ZNF385D: variants seen among roughly 807,000 people sequenced by gnomAD.
ZNF385D encodes the protein zinc finger protein 659.
In ZNF385D, 15 loss-of-function variants were observed where a neutral mutation model predicts 35.8. The ratio of observed to expected loss-of-function variants is 0.42; its 90% CI spans 0.28 to 0.64. ZNF385D has a LOEUF of 0.64. ZNF385D is among the 30% of genes least tolerant of loss of function. The pLI is 0.23. For synonymous variants in ZNF385D, 212 were observed against 186.8 expected (o/e 1.13, Z -1.10); for missense variants, 474 against 494.6 (o/e 0.96, Z 0.39).
intron 2 of ZNF385D, among the ~76,000 whole-genome samples, chr3:22,360,126 T>C (rs888777441): frequency 2.6e-5 from 4 of 151,958 alleles, no homozygotes; most frequent in African/African-American, 9.7e-5. Flanking sequence ...TTGGAAAGTA[T>C]TCACAGTTTA....
intron 2 of ZNF385D, among the ~76,000 whole-genome samples, chr3:22,319,664 C>G (rs1193737859): frequency 6.6e-6 from 1 of 152,090 alleles, no homozygotes; most frequent in African/African-American, 2.4e-5. Context: ...ACAATCTCCT[C>G]CTGTGAAAAG....
intron 4 of ZNF385D, among the ~76,000 whole-genome samples, chr3:21,451,312 T>C (rs1702446735): frequency 6.6e-6 from 1 of 152,144 alleles, no homozygotes; most frequent in Non-Finnish European, 1.5e-5. Flanking sequence ...TTATAAATTC[T>C]GATGTAAATA....
intron 3 of ZNF385D, among the ~76,000 whole-genome samples, chr3:22,043,373 C>A (rs563782077): frequency 1.3e-5 from 2 of 152,008 alleles, no homozygotes; most frequent in Non-Finnish European, 2.9e-5. Flanking sequence ...TATTTTTTAA[C>A]GTACTGAAAC....
chr3:22,008,360 C>CATTT (rs773952386), intron 3 of ZNF385D, among the ~76,000 whole-genome samples: 5 of 131,936 alleles, frequency 3.8e-5, no homozygotes, highest in Admixed American at 1.5e-4. Flanking sequence ...CCATGATTTT[C>CATTT]TTTTTTTTTT....
At chr3:22,029,893 A>C (rs1697824072) in intron 3 of ZNF385D, among the ~76,000 whole-genome samples, 1 of 151,986 alleles carries the variant, frequency 6.6e-6, no homozygotes, top group African/African-American at 2.4e-5. Context: ...CTGAGTATCA[A>C]CTTGATTGGA....
intron 3 of ZNF385D, among the ~76,000 whole-genome samples, chr3:21,978,544 T>C (rs1559812087): frequency 1.3e-5 from 2 of 152,242 alleles, no homozygotes; most frequent in African/African-American, 2.4e-5. Flanking sequence ...GCTTAGAAGT[T>C]TGTCTGTGAT....
intron 4 of ZNF385D, among the ~76,000 whole-genome samples, chr3:21,482,215 T>C (rs933278803): frequency 2.6e-5 from 4 of 152,138 alleles, no homozygotes; most frequent in African/African-American, 9.6e-5. Context: ...GGTTGACTCC[T>C]ACTAAGGGTG....
intron 3 of ZNF385D, among the ~76,000 whole-genome samples, chr3:21,516,903 T>C (rs1185856964): frequency 6.6e-6 from 1 of 151,980 alleles, no homozygotes; most frequent in Admixed American, 6.6e-5. Context: ...ATTAGAGATG[T>C]CACCATCCTC....
intron 3 of ZNF385D, chr3:21,979,735 T>C (rs11129036): frequency 0.25 from 38,392 of 152,068 alleles, 5,280 homozygotes; most frequent in East Asian, 0.33. Flanking sequence ...TGCAGAAAGA[T>C]TGGAAGATGA....
intron 3 of ZNF385D, among the ~76,000 whole-genome samples, chr3:22,070,586 A>G (rs1314242147): frequency 6.6e-6 from 1 of 152,140 alleles, no homozygotes; most frequent in Admixed American, 6.6e-5. Context: ...GGATGAAACT[A>G]TTTTCAAATG....
chr3:22,259,812 A>G (rs953070753), intron 2 of ZNF385D, among the ~76,000 whole-genome samples: 3 of 150,562 alleles, frequency 2.0e-5, no homozygotes, highest in African/African-American at 7.3e-5. Context: ...GTCCACCATC[A>G]CTCCAAATGC....
intron 1 of ZNF385D, among the ~76,000 whole-genome samples, chr3:21,703,478 T>A (rs1056068781): frequency 6.6e-6 from 1 of 152,142 alleles, no homozygotes; most frequent in African/African-American, 2.4e-5. Context: ...GCCCAGGATA[T>A]TGTGCAATCC....
intron 2 of ZNF385D, among the ~76,000 whole-genome samples, chr3:21,611,147 C>T (rs930993911): frequency 6.6e-6 from 1 of 152,208 alleles, no homozygotes; most frequent in Non-Finnish European, 1.5e-5. Context: ...ATCCTGTTGC[C>T]TTTGCAGTAC....
chr3:21,889,041 T>C (rs1398535295), intron 3 of ZNF385D, among the ~76,000 whole-genome samples: 1 of 152,214 alleles, frequency 6.6e-6, no homozygotes, highest in Non-Finnish European at 1.5e-5. Context: ...GGAGTGCCCT[T>C]GACATTTATG....
chr3:21,980,921 C>A (rs1576073448), intron 3 of ZNF385D, among the ~76,000 whole-genome samples: 2 of 152,048 alleles, frequency 1.3e-5, no homozygotes, highest in Admixed American at 6.6e-5. Context: ...GGTTGCATAG[C>A]ATTCCATGGT....
At chr3:21,839,871 G>A (rs530075631) in intron 3 of ZNF385D, among the ~76,000 whole-genome samples, 2 of 152,068 alleles carry the variant, frequency 1.3e-5, no homozygotes, top group African/African-American at 2.4e-5. Flanking sequence ...TACTGGAGGG[G>A]TCAGAAATTG....
At chr3:21,833,726 C>T (rs945396776) in intron 3 of ZNF385D, among the ~76,000 whole-genome samples, 1 of 152,154 alleles carries the variant, frequency 6.6e-6, no homozygotes, top group Non-Finnish European at 1.5e-5. Context: ...TCAAATGCTA[C>T]GCTCTATAAC....
chr3:21,444,398 T>G, intron 4 of ZNF385D, among the ~76,000 whole-genome samples: 1 of 123,634 alleles, frequency 8.1e-6, no homozygotes, highest in African/African-American at 3.6e-5. Flanking sequence ...TTTTTTTTTT[T>G]TTTTGAGATG....
At chr3:21,639,787 A>G (rs777897164) in intron 2 of ZNF385D, among the ~76,000 whole-genome samples, 7 of 152,178 alleles carry the variant, frequency 4.6e-5, no homozygotes, top group Middle Eastern at 3.4e-3. Context: ...AATTTTGATT[A>G]AAGTCTAATT....
Sources: gnomAD v4.1 joint callset for allele counts (sites outside exome capture counted in the v4.1 genomes callset) on GRCh38, gnomAD v4.1.1 for gene constraint, MANE v1.5 for transcripts, NCBI Gene and HGNC (gene_info 2026-07-23, HGNC 2026-07-21) for gene names.